The following FHDC1 variants were observed in gnomAD, a reference collection of about 807,000 sequenced individuals.
The protein encoded by FHDC1 is FH2 domain containing 1.
A neutral mutation model predicts 52.6 loss-of-function variants in FHDC1; 25 were observed. That is an observed-to-expected ratio of 0.48 (90% CI 0.35 to 0.66). FHDC1 has a LOEUF of 0.66. FHDC1 is among the 30% of genes least tolerant of loss of function. The pLI, the probability that FHDC1 is intolerant of heterozygous loss-of-function variation, is 0.01. For missense variants in FHDC1, 1,459 were observed against 1,452.8 expected, an observed-to-expected ratio of 1.00 and a Z score of -0.07; for synonymous variants, 616 against 581.5, an observed-to-expected ratio of 1.06 and a Z score of -0.85.
chr4:152,915,822 A>G, the FHDC1 span, among the ~76,000 whole-genome samples: 2 of 152,238 alleles, frequency 1.3e-5, no homozygotes, highest in Non-Finnish European at 2.9e-5. Flanking sequence ...AAATGGCTCA[A>G]TTTGAAATGG....
At chr4:152,931,146 C>A in the FHDC1 span, among the ~76,000 whole-genome samples, 1 of 151,930 alleles carries the variant, frequency 6.6e-6, no homozygotes, top group African/African-American at 2.4e-5. Flanking sequence ...CAGTTTAAAC[C>A]CATAGCAAAA....
At chr4:152,963,765 C>CTTTGTTTTTT (rs1293895449) in intron 8 of FHDC1, among the ~76,000 whole-genome samples, 1 of 50,874 alleles carries the variant, frequency 2.0e-5, no homozygotes, top group African/African-American at 7.1e-5. Flanking sequence ...CTATCCATTG[C>CTTTGTTTTTT]TTTGTTTTTT....
the FHDC1 span, among the ~76,000 whole-genome samples, chr4:152,928,851 A>G: frequency 6.6e-6 from 1 of 151,650 alleles, no homozygotes; most frequent in Non-Finnish European, 1.5e-5. Flanking sequence ...TCTCTATCCA[A>G]CCCCATTTAT....
chr4:152,950,509 G>T (rs1001838432), intron 2 of FHDC1, among the ~76,000 whole-genome samples: 1 of 152,288 alleles, frequency 6.6e-6, no homozygotes, highest in Middle Eastern at 3.4e-3. Context: ...TTTCCCTTAG[G>T]AATATCACCC....
rs778575772 is a variant in FHDC1, at chr4:152,976,028, A to G, written c.2737A>G (p.Arg913Gly). Residue 913 changes from arginine to glycine, a missense_variant, in exon 12 of 12, where the codon AGA becomes GGA. Arg to Gly is a moderately radical substitution (Grantham distance 125). Coordinates refer to ENST00000511601, the MANE Select transcript of FHDC1 (RefSeq NM_001371116.1). Reference sequence around the variant, plus strand: ...GGTCATGCCCATCACCAAGTCCAGCAGAGGCGCCGGCTGGAGGCGACCAGA... The same window carrying G: ...GGTCATGCCCATCACCAAGTCCAGCGGAGGCGCCGGCTGGAGGCGACCAGA... ...RKVMPITKSS[R>G]GAGWRRPELS... The G allele has an allele frequency of 1.5e-5, 24 of 1,561,096 alleles. No individual in the cohort carries two copies. Among genetic ancestry groups the G allele is most frequent in the African/African-American group, 1.1e-4 (8 of 72,856 alleles).
At position 152,975,807 on chromosome 4, in the gene FHDC1, A is replaced by G; in HGVS notation, c.2516A>G (p.Asp839Gly). 1 of 1,527,796 alleles carries G rather than the reference A, an allele frequency of 6.5e-7. No individual in the cohort carries two copies. The highest frequency in any genetic ancestry group is 2.3e-5 in the East Asian group (1 of 44,106). 94.6% of individuals were successfully genotyped at this position (1,527,796 alleles called of 1,614,324 possible). A position where few individuals can be genotyped will look rare whatever the true frequency, so the allele number is the denominator to read the frequency against. The part of the protein sequence containing the change: ...PGEAPAPVSV[D>G]SEPSCKGGLP... The stretch of plus-strand genomic sequence containing the variant: ...GAGGCTCCTGCCCCCGTCTCTGTGG[A>G]TAGTGAGCCCAGCTGCAAGGGCGGC... The change falls in exon 12 of 12, where the codon GAT becomes GGT. Residue 839 changes from aspartate (D) to glycine (G), a missense_variant. Physicochemically the swap from Asp to Gly is moderately conservative, Grantham distance 94. Around this residue, in one of 3 missense-constraint regions of FHDC1, gnomAD observed 939 missense variants for 854.5 expected, o/e 1.10. Coordinates refer to ENST00000511601, the MANE Select transcript of FHDC1 (RefSeq NM_001371116.1).
chr4:152,973,762 C>T (rs1014470176), intron 11 of FHDC1, among the ~76,000 whole-genome samples: 1 of 152,342 alleles, frequency 6.6e-6, no homozygotes, highest in South Asian at 2.1e-4. Context: ...AAACTGCTAA[C>T]AATAACACAT....
chr4:152,929,507 C>T, the FHDC1 span, among the ~76,000 whole-genome samples: 6 of 152,206 alleles, frequency 3.9e-5, no homozygotes, highest in Non-Finnish European at 8.8e-5. The surrounding 1 kb of genome is among the most constrained non-coding windows in gnomAD (Gnocchi z 4.1). Context: ...CCCAACGACG[C>T]AGTTTCCAGC....
chr4:152,975,047 C>T lies in FHDC1; in HGVS notation c.1756C>T (p.Leu586=). 8.7e-6 allele frequency: 14 copies of T among 1,612,524 alleles called. No homozygotes were observed. The highest frequency in any genetic ancestry group is 1.3e-5 in the African/African-American group (1 of 75,036). Residue 586 remains leucine, a synonymous_variant, in exon 12 of 12, where the codon CTG becomes TTG. Coordinates refer to ENST00000511601, the MANE Select transcript of FHDC1 (RefSeq NM_001371116.1). ...GCAGGCCCGGCCCACGATAGCCTGCCTGGAGCCTGCAGAAGTGAGGCACCA... is the reference window on the plus strand; with the variant it reads ...GCAGGCCCGGCCCACGATAGCCTGCTTGGAGCCTGCAGAAGTGAGGCACCA... The part of the protein sequence containing the change: ...PRQARPTIAC[L]EPAEVRHQDS...
At chr4:152,936,063 C>T (rs1739361185), upstream of FHDC1, among the ~76,000 whole-genome samples, 1 of 152,092 alleles carries the variant, frequency 6.6e-6, no homozygotes. Context: ...CCCGGCCTAG[C>T]CCCGCACCAG....
At position 152,975,823 on chromosome 4, in the gene FHDC1, C is replaced by G. The variant is rs1267955057; in HGVS notation, c.2532C>G (p.Cys844Trp). 3.9e-6 allele frequency: 6 copies of G among 1,520,832 alleles called. No individual in the cohort carries two copies. In the Admixed American group the frequency reaches 1.3e-4, roughly 34 times the overall value. 94.2% of individuals were successfully genotyped at this position (1,520,832 alleles called of 1,614,324 possible). A position where few individuals can be genotyped will look rare whatever the true frequency, so the allele number is the denominator to read the frequency against. The change falls in exon 12 of 12, where the codon TGC becomes TGG. Residue 844 changes from cysteine (C) to tryptophan (W), a missense_variant. Physicochemically the swap from Cys to Trp is radical, Grantham distance 215. Coordinates refer to ENST00000511601, the MANE Select transcript of FHDC1 (RefSeq NM_001371116.1). The part of the protein sequence containing the change: ...APVSVDSEPS[C>W]KGGLPRDKPT... ...TCTCTGTGGATAGTGAGCCCAGCTG[C>G]AAGGGCGGCCTGCCCAGGGACAAAC...
At position 152,975,788 on chromosome 4, in the gene FHDC1, C is replaced by T. The variant is rs534196323; in HGVS notation, c.2497C>T (p.Pro833Ser). Residue 833 changes from proline to serine, a missense_variant, in exon 12 of 12, where the codon CCT (proline) becomes TCT (serine). Coordinates refer to ENST00000511601, the MANE Select transcript of FHDC1 (RefSeq NM_001371116.1). ...NPTSSPPGEAPAPVSVDSEPS... is the reference protein window; with the variant it reads ...NPTSSPPGEASAPVSVDSEPS... Reference sequence around the variant, plus strand: ...TACATCCAGCCCCCCTGGGGAGGCTCCTGCCCCCGTCTCTGTGGATAGTGA... The same window carrying T: ...TACATCCAGCCCCCCTGGGGAGGCTTCTGCCCCCGTCTCTGTGGATAGTGA... 3.0e-5 allele frequency: 47 copies of T among 1,544,518 alleles called. No homozygotes were observed. Among genetic ancestry groups the T allele is most frequent in the South Asian group, 6.3e-5 (5 of 79,472 alleles).
rs901591791 is a variant in FHDC1 at position 152,959,679 on chromosome 4, G to A, written c.664-886G>A. 5.3e-5 allele frequency among the ~76,000 whole-genome samples: 8 copies of A among 152,242 alleles called. No homozygotes were observed. The East Asian group carries it at 1.4e-3, about 26-fold the overall frequency. On this transcript the variant is annotated intron_variant, in intron 4 of 11. Coordinates refer to ENST00000511601, the MANE Select transcript of FHDC1 (RefSeq NM_001371116.1). ...GCCTCCCAAAAAGCTGAGATTACAG[G>A]CATGAGTCACTACCTGGAGATGTGG...
the FHDC1 span, among the ~76,000 whole-genome samples, chr4:152,928,601 G>T: frequency 6.6e-6 from 1 of 152,186 alleles, no homozygotes; most frequent in African/African-American, 2.4e-5. Flanking sequence ...GCAGTTATTG[G>T]ACAGGTGTTA....
chr4:152,972,941 T>C (rs1740685131), intron 11 of FHDC1, among the ~76,000 whole-genome samples: 2 of 152,202 alleles, frequency 1.3e-5, no homozygotes, highest in African/African-American at 4.8e-5. Context: ...ACTTCTGTTG[T>C]GGTGGGATGA....
the FHDC1 span, among the ~76,000 whole-genome samples, chr4:152,925,896 GGGAGAA>G: frequency 3.4e-4 from 52 of 151,176 alleles, no homozygotes; most frequent in African/African-American, 4.8e-4. Context: ...AGGAGGAGGA[GGGAGAA>G]GGAGAAGGAG....
At chr4:152,941,807 C>T (rs1283043292) in intron 1 of FHDC1, among the ~76,000 whole-genome samples, 1 of 152,128 alleles carries the variant, frequency 6.6e-6, no homozygotes, top group African/African-American at 2.4e-5. Context: ...AAGAAAATTA[C>T]ACCCCGAAGT....
At chr4:152,966,076 T>A (rs1740447738) in intron 9 of FHDC1, among the ~76,000 whole-genome samples, 2 of 152,244 alleles carry the variant, frequency 1.3e-5, no homozygotes, top group African/African-American at 4.8e-5. Context: ...ATAGGAACTT[T>A]TGACTTACTG....
At chr4:152,963,779 T>G (rs1458488551) in intron 8 of FHDC1, among the ~76,000 whole-genome samples, 4 of 112,500 alleles carry the variant, frequency 3.6e-5, no homozygotes, top group Admixed American at 9.3e-5. Flanking sequence ...GTTTTTTTTT[T>G]TTTTTTTTTT....
Sources: gnomAD v4.1 joint callset for allele counts (sites outside exome capture counted in the v4.1 genomes callset) on GRCh38, gnomAD v4.1.1 for gene constraint, gnomAD v4.1.1 regional missense constraint, Gnocchi (gnomAD v3.1) non-coding constraint, MANE v1.5 for transcripts, NCBI Gene and HGNC (gene_info 2026-07-23, HGNC 2026-07-21) for gene names.